The following LTBP4 variants were observed in gnomAD, a reference collection of about 807,000 sequenced individuals.
The protein encoded by LTBP4 is latent transforming growth factor beta binding protein 4, also known as latent-transforming growth factor beta-binding protein 4.
Under a neutral mutation model 180.2 loss-of-function variants are expected in LTBP4, and 93 were observed. The ratio of observed to expected loss-of-function variants is 0.52; its 90% CI spans 0.44 to 0.61. LTBP4 has a LOEUF of 0.61. Ranked by LOEUF, LTBP4 falls within the 20% of genes least tolerant of loss-of-function variation. The pLI is 0.00. For missense variants in LTBP4, 2,116 were observed against 2,256.5 expected (o/e 0.94, Z 1.26); for synonymous variants, 947 against 934.5 (o/e 1.01, Z -0.24).
At chr19:40,620,771 A>C (rs1440542472) in intron 22 of LTBP4, among the ~76,000 whole-genome samples, 2 of 105,654 alleles carry the variant, frequency 1.9e-5, no homozygotes, top group African/African-American at 4.9e-5. Context: ...CCGTCCCAAA[A>C]AAAAAAAAAA....
rs776978199 is a variant in LTBP4, at chr19:40,608,233, G to A, written c.1170G>A (p.Glu390=). 1.2e-6 allele frequency: 2 copies of A among 1,613,980 alleles called. No individual in the cohort carries two copies. The highest frequency in any genetic ancestry group is 1.7e-6 in the Non-Finnish European group (2 of 1,179,888). ...ACCTATTCCCAGAGGGTTTCCGGGA[G>A]ATCTGCCCGGCTGGTCCTGGTTACC... ...CPPFGSEGFR[E]ICPAGPGYHY... is the part of the protein sequence containing the mutation. The change falls in exon 8 of 30, where the codon GAG becomes GAA. Residue 390 remains glutamate, a synonymous_variant. Coordinates refer to ENST00000396819, the MANE Select transcript of LTBP4 (RefSeq NM_001042545.2).
intron 1 of LTBP4, among the ~76,000 whole-genome samples, chr19:40,602,244 A>C (rs914249886): frequency 9.3e-5 from 14 of 150,454 alleles, no homozygotes; most frequent in Non-Finnish European, 1.6e-4. Context: ...CCCACGTGCG[A>C]CAGAAATCCA....
chr19:40,610,629 G>C lies in LTBP4; in HGVS notation c.1782G>C (p.Gln594His), dbSNP rs750406437. 6.3e-7 allele frequency: 1 copy of C among 1,587,032 alleles called. No individual in the cohort carries two copies. Among genetic ancestry groups the C allele is most frequent in the Non-Finnish European group, 8.5e-7 (1 of 1,172,630 alleles). Residue 594 changes from glutamine to histidine, a missense_variant, in exon 12 of 30, where the codon CAG becomes CAC. This residue lies in a region of LTBP4 where 877 missense variants were observed against 873.6 expected (regional missense o/e 1.00). Coordinates refer to ENST00000396819, the MANE Select transcript of LTBP4 (RefSeq NM_001042545.2). Reference sequence around the variant, plus strand: ...TGTGCGTGTGCCCCGCCGGGTACCAGGCTGCACCGCACGGAGCCAGCTGCC... The same window carrying C: ...TGTGCGTGTGCCCCGCCGGGTACCACGCTGCACCGCACGGAGCCAGCTGCC... ...SFLCVCPAGY[Q>H]AAPHGASCQD... is the part of the protein sequence containing the mutation.
rs757778911 is a variant in LTBP4, at chr19:40,613,409, A to C, written c.2437A>C (p.Asn813His). The stretch of plus-strand genomic sequence containing the variant: ...CAATCTCCCGCGTACCCTAGACGTG[A>C]ACGAGTGCCTGGAGGGCGATTTCTG... ...SGRPGPCADVNECLEGDFCFP... is the reference protein window; with the variant it reads ...SGRPGPCADVHECLEGDFCFP... Residue 813 changes from asparagine to histidine, a missense_variant, in exon 17 of 30, where the codon AAC becomes CAC. Physicochemically the swap from Asn to His is moderately conservative, Grantham distance 68 (BLOSUM62 1). Around this residue, in one of 5 missense-constraint regions of LTBP4, gnomAD observed 877 missense variants for 873.6 expected, o/e 1.00. Transcript: ENST00000396819. This position sits in a 1 kb window ranked among gnomAD's most constrained non-coding sequence, Gnocchi z 5.0. 31 of 1,606,860 alleles carry C rather than the reference A, an allele frequency of 1.9e-5. No homozygotes were observed. Among genetic ancestry groups the C allele is most frequent in the South Asian group, 5.6e-5 (5 of 89,588 alleles).
rs1382016549 is a variant in LTBP4, at chr19:40,625,326, T to TTTTG, written c.3833-530_3833-529insTTGT. Among the ~76,000 whole-genome samples the TTTTG allele has an allele frequency of 1.2e-4, 4 of 33,042 alleles. 1 individual carries two copies. The highest frequency in any genetic ancestry group is 7.9e-4 in the African/African-American group (3 of 3,816). The allele number at this position is 33,042 out of a possible 152,430, so 21.7% of individuals were successfully genotyped here. Reference sequence around the variant, plus strand: ...TATATATATATATATATTTTTTTTTTTAAAGATGGGTTTTTGCCATGTTGC... The same window carrying TTTTG: ...TATATATATATATATATTTTTTTTTTTTTGTAAAGATGGGTTTTTGCCATGTTGC... On this transcript the variant is annotated intron_variant, in intron 26 of 29. Transcript: ENST00000396819.
intron 4 of LTBP4, 48 bp from the exon 5 acceptor site, chr19:40,606,185 C>T: frequency 6.6e-7 from 1 of 1,510,826 alleles, no homozygotes; most frequent in Non-Finnish European, 9.0e-7. Flanking sequence ...CCACTCCATT[C>T]TCGCTCTGCC....
At position 40,613,653 on chromosome 19, in the gene LTBP4, G is replaced by T; in HGVS notation, c.2557+124G>T. The T allele has an allele frequency of 6.8e-7, 1 of 1,476,080 alleles. No individual in the cohort carries two copies. The highest frequency in any genetic ancestry group is 2.5e-5 in the East Asian group (1 of 40,402). 91.4% of individuals were successfully genotyped at this position (1,476,080 alleles called of 1,614,324 possible). Reference sequence around the variant, plus strand: ...AGCCGGGGTATTCCAGCAGGATCAGGGGGCAGCTGGTGGGAGTCTCGAGGC... The same window carrying T: ...AGCCGGGGTATTCCAGCAGGATCAGTGGGCAGCTGGTGGGAGTCTCGAGGC... On this transcript the variant is annotated intron_variant, in intron 17 of 29. Transcript: ENST00000396819. The surrounding 1 kb of genome is among the most constrained non-coding windows in gnomAD (Gnocchi z 5.0).
At chr19:40,623,779 T>C (rs759120943) in intron 25 of LTBP4, 47 bp downstream of exon 25, 1 of 1,606,376 alleles carries the variant, frequency 6.2e-7, no homozygotes, top group African/African-American at 1.3e-5. Flanking sequence ...CTCCAACCCC[T>C]AGCCTTGCCA....
intron 29 of LTBP4, 111 bp downstream of exon 29, chr19:40,627,968 A>C: frequency 7.2e-7 from 1 of 1,390,206 alleles, no homozygotes; most frequent in Non-Finnish European, 9.6e-7. Context: ...ACCTCACTAC[A>C]GGGGACGGGC....
chr19:40,612,039 C>T (rs374244786), intron 14 of LTBP4, 34 bp from the exon 15 acceptor site: 24 of 1,612,140 alleles, frequency 1.5e-5, no homozygotes, highest in Non-Finnish European at 1.9e-5. Flanking sequence ...AGTTGGACCA[C>T]TTCTTCAAGG....
chr19:40,609,571 G>C lies in LTBP4; in HGVS notation c.1468G>C (p.Gly490Arg). The C allele has an allele frequency of 6.2e-7, 1 of 1,613,438 alleles. No homozygotes were observed. Among genetic ancestry groups the C allele is most frequent in the Non-Finnish European group, 8.5e-7 (1 of 1,179,822 alleles). Residue 490 changes from glycine to arginine, a missense_variant, in exon 10 of 30, where the codon GGC (glycine) becomes CGC (arginine). Physicochemically the swap from Gly to Arg is moderately radical, Grantham distance 125. Around this residue, in one of 5 missense-constraint regions of LTBP4, gnomAD observed 877 missense variants for 873.6 expected, o/e 1.00. Coordinates refer to ENST00000396819, the MANE Select transcript of LTBP4 (RefSeq NM_001042545.2). This position sits in a 1 kb window ranked among gnomAD's most constrained non-coding sequence, Gnocchi z 4.9. ...GTGTCAGCGCAACCCCCAGGTCTGCGGCCCAGGACGCTGCATTTCCCGGCC... is the reference window on the plus strand; with the variant it reads ...GTGTCAGCGCAACCCCCAGGTCTGCCGCCCAGGACGCTGCATTTCCCGGCC... ...GMCQRNPQVC[G>R]PGRCISRPSG...
intron 1 of LTBP4, among the ~76,000 whole-genome samples, chr19:40,595,905 ATTTTTTTTTTTT>A (rs60121587): frequency 1.7e-4 from 10 of 60,044 alleles, no homozygotes; most frequent in East Asian, 1.3e-3. Context: ...TAATTTTTGG[ATTTTTTTTTTTT>A]TTTTTTTTTT....
At chr19:40,599,502 G>A (rs778545565), upstream of LTBP4, 3 of 1,613,524 alleles carry the variant, frequency 1.9e-6, no homozygotes, top group South Asian at 3.3e-5. Context: ...GCAGTGCCCA[G>A]TCCCAGCCCC....
chr19:40,596,538 G>A (rs1485838652), upstream of LTBP4, among the ~76,000 whole-genome samples: 1 of 152,088 alleles, frequency 6.6e-6, no homozygotes, highest in Non-Finnish European at 1.5e-5. Flanking sequence ...TGGATCAGGG[G>A]CAGAGCCTGG....
At chr19:40,597,260 G>A (rs1006055954), upstream of LTBP4, 8 of 1,509,232 alleles carry the variant, frequency 5.3e-6, no homozygotes, top group African/African-American at 8.6e-5. Context: ...ACCAGCGGCC[G>A]CCGCCCCCTC....
Position 40,609,479 on chromosome 19 carries a change from A to G in LTBP4, c.1427-51A>G. 6.3e-7 allele frequency: 1 copy of G among 1,592,986 alleles called. No homozygotes were observed. Among genetic ancestry groups the G allele is most frequent in the Non-Finnish European group, 8.6e-7 (1 of 1,164,146 alleles). ...GGGGTGGGGGTTTTACTGGGATGAA[A>G]GGAACGGAGGATTCAGAGATGGGGG... On this transcript the variant is annotated intron_variant, in intron 9 of 29. Transcript: ENST00000396819. The surrounding 1 kb of genome is among the most constrained non-coding windows in gnomAD (Gnocchi z 4.9).
intron 19 of LTBP4, chr19:40,615,193 C>CGGGGTGGG (rs1555737676): frequency 9.7e-4 from 23 of 23,596 alleles, no homozygotes; most frequent in Non-Finnish European, 8.7e-4. Context: ...TTTGTGTCGG[C>CGGGGTGGG]GGGGGGGGGG....
At chr19:40,599,870 C>G (rs2081411644), upstream of LTBP4, 1 of 501,812 alleles carries the variant, frequency 2.0e-6, no homozygotes, top group African/African-American at 2.0e-5. Flanking sequence ...CTCTTTCTCT[C>G]CCCCAACCCC....
rs1568401116 is a variant in LTBP4 at position 40,601,603 on chromosome 19, CG to C, written c.220del (p.Ala74ArgfsTer15). The C allele has an allele frequency of 7.1e-7, 1 of 1,399,518 alleles. No homozygotes were observed. Among genetic ancestry groups the C allele is most frequent in the Non-Finnish European group, 9.2e-7 (1 of 1,084,716 alleles). 86.7% of individuals were successfully genotyped at this position (1,399,518 alleles called of 1,614,324 possible). On this transcript the variant is annotated frameshift_variant, in exon 1 of 30. Transcript: ENST00000396819. LOFTEE classifies it high-confidence loss of function. ...CCAGCGTGGACAGCGGCGCTCCCGG[CG>C]GGGCGGCCCCGGGGGGACCCGGCTT... Reference protein sequence around the residue: ...ATSVDSGAPGGAAPGGPGFRA... With the variant: ...ATSVDSGAPGXAAPGGPGFRA...
Sources: allele counts gnomAD v4.1 joint callset (sites outside exome capture counted in the v4.1 genomes callset), GRCh38; gene constraint gnomAD v4.1.1; regional missense constraint gnomAD v4.1.1; non-coding constraint Gnocchi (gnomAD v3.1); transcripts MANE v1.5; gene names NCBI Gene and HGNC (gene_info 2026-07-23, HGNC 2026-07-21).